The following DTWD2 variants were observed in gnomAD, a reference collection of about 807,000 sequenced individuals.
The protein encoded by DTWD2 is DTW motif tRNA-uridine aminocarboxypropyltransferase 2, also known as tRNA-uridine aminocarboxypropyltransferase 2.
In DTWD2, 39 loss-of-function variants were observed where a neutral mutation model predicts 31.8. The observed-to-expected ratio is 1.22, with a 90% CI of 0.95 to 1.60. The LOEUF (loss-of-function observed/expected upper bound fraction) is 1.60. DTWD2 is among the 40% of genes most tolerant of loss of function. The pLI, the probability that DTWD2 is intolerant of heterozygous loss-of-function variation, is 0.00. For missense variants in DTWD2, 515 were observed against 381.5 expected (o/e 1.35, Z -2.92); for synonymous variants, 180 against 142.8 (o/e 1.26, Z -1.86).
At chr5:118,926,258 A>T (rs1288863084) in intron 4 of DTWD2, among the ~76,000 whole-genome samples, 11 of 152,174 alleles carry the variant, frequency 7.2e-5, no homozygotes, top group African/African-American at 1.7e-4. Flanking sequence ...AGCAACTTGG[A>T]TGGAACTGGA....
chr5:118,954,069 G>C (rs372912558), intron 1 of DTWD2, among the ~76,000 whole-genome samples: 3 of 152,218 alleles, frequency 2.0e-5, no homozygotes, highest in South Asian at 2.1e-4. Context: ...ACAGGAATTC[G>C]AGATCAGCCT....
chr5:118,975,410 T>C (rs1270491876), intron 1 of DTWD2, among the ~76,000 whole-genome samples: 3 of 152,202 alleles, frequency 2.0e-5, no homozygotes, highest in African/African-American at 7.2e-5. Flanking sequence ...CTGGTTATTC[T>C]ACTTAGCAAT....
chr5:118,851,235 A>AAG (rs1554061392), intron 4 of DTWD2, among the ~76,000 whole-genome samples: 2 of 151,596 alleles, frequency 1.3e-5, no homozygotes, highest in Admixed American at 6.6e-5. Flanking sequence ...AAAAAAAAAA[A>AAG]AAAGAAAGAA....
chr5:118,973,724 C>A (rs1378922429), intron 1 of DTWD2: 1 of 1,572,380 alleles, frequency 6.4e-7, no homozygotes, highest in African/African-American at 1.4e-5. Flanking sequence ...ACTCCGGCAG[C>A]TTTATCGCCA....
rs1052339481 is a variant in DTWD2 at position 118,922,428 on chromosome 5, C to T, written c.597+6109G>A. Among the ~76,000 whole-genome samples, 5 of 152,024 alleles carry T rather than the reference C, an allele frequency of 3.3e-5. No homozygotes were observed. In the East Asian group the frequency reaches 5.8e-4, roughly 18 times the overall value. The stretch of plus-strand genomic sequence containing the variant: ...ACTATTAAAGAAACCGAATGGATCA[C>T]CTAAGTAATAACTAATAATTCTATG... On this transcript the variant is annotated intron_variant, in intron 4 of 5. Transcript: ENST00000510708.
At chr5:118,861,559 G>A (rs116199906) in intron 4 of DTWD2, among the ~76,000 whole-genome samples, 2,027 of 151,620 alleles carry the variant, frequency 0.013, 43 homozygotes, top group African/African-American at 0.047. Flanking sequence ...AAATACATAG[G>A]TTTTAACGAA....
At chr5:118,972,132 T>C (rs1446961775) in intron 1 of DTWD2, among the ~76,000 whole-genome samples, 1 of 152,070 alleles carries the variant, frequency 6.6e-6, no homozygotes, top group Non-Finnish European at 1.5e-5. Context: ...AGAGCATAAC[T>C]GAAGGAGACA....
At chr5:118,937,769 G>A (rs1460070285) in intron 3 of DTWD2, among the ~76,000 whole-genome samples, 1 of 151,780 alleles carries the variant, frequency 6.6e-6, no homozygotes, top group African/African-American at 2.4e-5. Flanking sequence ...CCACCCAGCG[G>A]TTGAATCCCC....
rs147850562 is a variant in DTWD2, at chr5:118,973,323, T to A, written c.218+14971A>T. ...TGATGTTAGCTGGTTATTTTGCCCC[T>A]TAGTTGATGCAGTTTCTTCATAGCG... On this transcript the variant is annotated intron_variant, in intron 1 of 5. Coordinates refer to ENST00000510708, the MANE Select transcript of DTWD2 (RefSeq NM_173666.4). Among the ~76,000 whole-genome samples the A allele has an allele frequency of 1.6e-3, 248 of 152,292 alleles. 1 individual carries two copies. Among genetic ancestry groups the A allele is most frequent in the Middle Eastern group, 6.8e-3 (2 of 294 alleles).
intron 4 of DTWD2, among the ~76,000 whole-genome samples, chr5:118,862,746 GAGA>G (rs1368461888): frequency 6.6e-6 from 1 of 152,156 alleles, no homozygotes; most frequent in Non-Finnish European, 1.5e-5. Context: ...AAAGTACTCA[GAGA>G]AGGTGGGGCT....
At chr5:118,879,609 C>CAAAAAAAAAAAAAAAAAA (rs775009585) in intron 4 of DTWD2, among the ~76,000 whole-genome samples, 1 of 36,200 alleles carries the variant, frequency 2.8e-5, no homozygotes, top group Non-Finnish European at 6.1e-5. Context: ...GACTACAGCT[C>CAAAAAAAAAAAAAAAAAA]AAAAAAAAAA....
chr5:118,841,048 G>A lies in DTWD2; in HGVS notation c.766C>T (p.Leu256Phe). The A allele has an allele frequency of 6.2e-7, 1 of 1,613,348 alleles. No individual in the cohort carries two copies. The highest frequency in any genetic ancestry group is 2.2e-5 in the East Asian group (1 of 44,758). Residue 256 changes from leucine (L) to phenylalanine (F), a missense_variant, in exon 6 of 6, where the codon CTT becomes TTT. Coordinates refer to ENST00000510708, the MANE Select transcript of DTWD2 (RefSeq NM_173666.4). ...AGGCGAATTTGGGCACCATGCTGAA[G>A]TTGAAAGGAGCATAAAGCTTGAAGA... Reference protein sequence around the residue: ...RPLQALCSFQLQHGAQIRLSK... With the variant: ...RPLQALCSFQFQHGAQIRLSK...
intron 1 of DTWD2, among the ~76,000 whole-genome samples, chr5:118,946,544 C>T (rs967779330): frequency 2.0e-5 from 3 of 152,106 alleles, no homozygotes; most frequent in African/African-American, 7.2e-5. Context: ...AGAATAAATA[C>T]ATCATAGGAC....
intron 4 of DTWD2, among the ~76,000 whole-genome samples, chr5:118,901,399 G>A (rs1753208342): frequency 6.6e-6 from 1 of 152,088 alleles, no homozygotes; most frequent in Non-Finnish European, 1.5e-5. Context: ...AGACAATACA[G>A]TTTCACAATC....
intron 4 of DTWD2, among the ~76,000 whole-genome samples, chr5:118,874,368 A>T (rs561578086): frequency 3.5e-4 from 54 of 152,360 alleles, no homozygotes; most frequent in African/African-American, 1.3e-3. Flanking sequence ...GAGATGGCTG[A>T]AATGAGAGAA....
At chr5:118,851,141 C>T (rs1334317014) in intron 4 of DTWD2, among the ~76,000 whole-genome samples, 1 of 150,160 alleles carries the variant, frequency 6.7e-6, no homozygotes, top group Non-Finnish European at 1.5e-5. Flanking sequence ...ATCACTTGAA[C>T]CTGAGAGGCA....
chr5:118,873,249 G>GAGAC (rs1156648598), intron 4 of DTWD2, among the ~76,000 whole-genome samples: 1 of 152,188 alleles, frequency 6.6e-6, no homozygotes, highest in African/African-American at 2.4e-5. Flanking sequence ...GCTCCCATAA[G>GAGAC]AGACTTTAGC....
intron 1 of DTWD2, among the ~76,000 whole-genome samples, chr5:118,987,478 G>A (rs1167566497): frequency 6.6e-6 from 1 of 152,148 alleles, no homozygotes; most frequent in Admixed American, 6.5e-5. Context: ...CTTTTCCCCT[G>A]GCTGGATTCT....
At chr5:118,928,295 CA>C (rs1293562788) in intron 4 of DTWD2, among the ~76,000 whole-genome samples, 2 of 151,830 alleles carry the variant, frequency 1.3e-5, no homozygotes, top group Non-Finnish European at 2.9e-5. Flanking sequence ...GCCTCAACTA[CA>C]GTAAAATTTG....
Sources: gnomAD v4.1 joint callset for allele counts (sites outside exome capture counted in the v4.1 genomes callset) on GRCh38, gnomAD v4.1.1 for gene constraint, MANE v1.5 for transcripts, NCBI Gene and HGNC (gene_info 2026-07-23, HGNC 2026-07-21) for gene names.